SLC35F1: variants seen among roughly 807,000 people sequenced by gnomAD.
SLC35F1 encodes chromosome 6 open reading frame 169.
In SLC35F1, 14 loss-of-function variants were observed where a neutral mutation model predicts 48.7. That is an observed-to-expected ratio of 0.29 (90% CI 0.19 to 0.45). SLC35F1 has a LOEUF of 0.45. SLC35F1 is among the 20% of genes least tolerant of loss of function. The probability of loss-of-function intolerance (pLI) is 1.00; values close to 1 mark genes in which losing one functional copy is unlikely to be tolerated. For missense variants in SLC35F1, 404 were observed against 500.0 expected (o/e 0.81, Z 1.83); for synonymous variants, 190 against 202.2 (o/e 0.94, Z 0.51).
intron 1 of SLC35F1, among the ~76,000 whole-genome samples, chr6:117,960,895 G>A (rs923751387): frequency 1.3e-5 from 2 of 152,068 alleles, no homozygotes; most frequent in African/African-American, 4.8e-5. Flanking sequence ...TTCATTGACT[G>A]GGCTCTTTCC....
intron 1 of SLC35F1, among the ~76,000 whole-genome samples, chr6:117,962,128 A>G (rs1231309020): frequency 2.0e-5 from 3 of 152,174 alleles, no homozygotes; most frequent in African/African-American, 7.2e-5. Flanking sequence ...TGAGTCCTCA[A>G]TGTATAACAT....
intron 2 of SLC35F1, among the ~76,000 whole-genome samples, chr6:118,228,795 C>G (rs1287655880): frequency 6.6e-6 from 1 of 152,072 alleles, no homozygotes; most frequent in Non-Finnish European, 1.5e-5. Flanking sequence ...GGTGTTTATT[C>G]AAGTAAGGAT....
At chr6:118,135,659 C>T (rs919653995) in intron 1 of SLC35F1, among the ~76,000 whole-genome samples, 1 of 152,202 alleles carries the variant, frequency 6.6e-6, no homozygotes, top group Non-Finnish European at 1.5e-5. Flanking sequence ...CTGCTGGTTT[C>T]TAAACACTCT....
intron 1 of SLC35F1, among the ~76,000 whole-genome samples, chr6:117,908,780 T>G (rs1376110474): frequency 6.6e-6 from 1 of 152,214 alleles, no homozygotes; most frequent in East Asian, 1.9e-4. Context: ...CTTAAAAAAT[T>G]GTATAGGGAA....
At chr6:118,207,934 C>T (rs1299632421) in intron 2 of SLC35F1, among the ~76,000 whole-genome samples, 2 of 152,144 alleles carry the variant, frequency 1.3e-5, no homozygotes, top group Non-Finnish European at 2.9e-5. Flanking sequence ...CAAATCATTC[C>T]CTTTTGGGAT....
chr6:117,931,921 G>A (rs1397538154), intron 1 of SLC35F1, among the ~76,000 whole-genome samples: 1 of 152,210 alleles, frequency 6.6e-6, no homozygotes, highest in Admixed American at 6.5e-5. Flanking sequence ...CATTGCTGTG[G>A]TTTGAATGTT....
intron 2 of SLC35F1, among the ~76,000 whole-genome samples, chr6:118,180,607 C>T (rs1224586119): frequency 2.0e-5 from 3 of 151,946 alleles, no homozygotes; most frequent in Non-Finnish European, 4.4e-5. Context: ...TGTGATTCTA[C>T]TAAAGAGAGA....
chr6:118,281,200 C>A (rs376691489), intron 6 of SLC35F1, among the ~76,000 whole-genome samples: 14,511 of 119,256 alleles, frequency 0.12, 740 homozygotes, highest in Non-Finnish European at 0.14. Flanking sequence ...CTCTCTCTCT[C>A]TCTCTATATA....
intron 1 of SLC35F1, among the ~76,000 whole-genome samples, chr6:118,111,654 G>C (rs550309987): frequency 6.6e-6 from 1 of 152,194 alleles, no homozygotes; most frequent in East Asian, 1.9e-4. Flanking sequence ...TAAAGGAAGA[G>C]AAATAGAGAC....
chr6:118,035,622 A>G lies in SLC35F1; in HGVS notation c.174-118823A>G, dbSNP rs1772115450. Among the ~76,000 whole-genome samples the G allele has an allele frequency of 3.6e-5, 5 of 137,244 alleles. No homozygotes were observed. In the South Asian group the frequency reaches 1.3e-3, roughly 36 times the overall value. 90.0% of individuals were successfully genotyped at this position (137,244 alleles called of 152,430 possible). On this transcript the variant is annotated intron_variant, in intron 1 of 7. Transcript: ENST00000360388. Reference sequence around the variant, plus strand: ...AGAGTGAAACTCCGTCTCACAAAAAAAAAACAACAACAACAAAACAAAACA... The same window carrying G: ...AGAGTGAAACTCCGTCTCACAAAAAGAAAACAACAACAACAAAACAAAACA...
chr6:117,984,425 G>A (rs376380084), intron 1 of SLC35F1, among the ~76,000 whole-genome samples: 16 of 151,506 alleles, frequency 1.1e-4, no homozygotes, highest in Non-Finnish European at 1.9e-4. Flanking sequence ...CGTGAACCTC[G>A]GAGGCCGAGC....
At chr6:118,205,680 G>A (rs889056266) in intron 2 of SLC35F1, among the ~76,000 whole-genome samples, 2 of 152,140 alleles carry the variant, frequency 1.3e-5, no homozygotes, top group Admixed American at 1.3e-4. Context: ...GACTCAAACA[G>A]GTATTTGTAT....
chr6:118,296,421 C>G (rs1776184193), intron 7 of SLC35F1, among the ~76,000 whole-genome samples: 1 of 152,146 alleles, frequency 6.6e-6, no homozygotes, highest in South Asian at 2.1e-4. Context: ...GTCACATGGC[C>G]ACACCTAATA....
At chr6:118,005,059 C>A (rs888375534) in intron 1 of SLC35F1, among the ~76,000 whole-genome samples, 15 of 152,078 alleles carry the variant, frequency 9.9e-5, no homozygotes, top group Admixed American at 5.2e-4. Context: ...CTCAGTTAGA[C>A]TCGTCATTCT....
rs1775946588 is a variant in SLC35F1 at position 117,923,657 on chromosome 6, ATGTATATATACATATATG to A, written c.173+15760_173+15777del. ...TATGTACATATGTACATATGTACATATGTATATATACATATATGTACATATATACATATGTACATATAC... is the reference window on the plus strand; with the variant it reads ...TATGTACATATGTACATATGTACATATACATATATACATATGTACATATAC... On this transcript the variant is annotated intron_variant, in intron 1 of 7. Transcript: ENST00000360388. Among the ~76,000 whole-genome samples, 2 of 76,204 alleles carry A rather than the reference ATGTATATATACATATATG, an allele frequency of 2.6e-5. 1 individual carries two copies. The highest frequency in any genetic ancestry group is 3.0e-4 in the Admixed American group (2 of 6,732). The allele number at this position is 76,204 out of a possible 152,430, so 50.0% of individuals were successfully genotyped here. A position where few individuals can be genotyped will look rare whatever the true frequency, so the allele number is the denominator to read the frequency against.
Position 118,154,436 on chromosome 6 carries a change from A to G in SLC35F1, c.174-9A>G, listed in dbSNP as rs765038943. On this transcript the variant is annotated splice_polypyrimidine_tract_variant and intron_variant, in intron 1 of 7. Coordinates refer to ENST00000360388, the MANE Select transcript of SLC35F1 (RefSeq NM_001029858.4). ...ACCTTTGCTGTGTTTTTTTTCCTTT[A>G]TTTCTCAGGGAGATGTTAATCTCTG... The G allele has an allele frequency of 6.3e-7, 1 of 1,579,982 alleles. No homozygotes were observed. The highest frequency in any genetic ancestry group is 2.3e-5 in the East Asian group (1 of 44,220).
At chr6:118,178,794 G>A (rs1225501329) in intron 2 of SLC35F1, among the ~76,000 whole-genome samples, 2 of 152,126 alleles carry the variant, frequency 1.3e-5, no homozygotes, top group African/African-American at 2.4e-5. Flanking sequence ...ACCCAGGTCT[G>A]TGATTGACAT....
intron 1 of SLC35F1, among the ~76,000 whole-genome samples, chr6:118,040,919 G>T (rs1000751754): frequency 1.3e-5 from 2 of 152,004 alleles, no homozygotes; most frequent in African/African-American, 4.8e-5. Context: ...ATAAACATTT[G>T]TTGCACTAAA....
chr6:118,298,843 C>T (rs565991662), intron 7 of SLC35F1, among the ~76,000 whole-genome samples: 1 of 152,244 alleles, frequency 6.6e-6, no homozygotes, highest in Non-Finnish European at 1.5e-5. Flanking sequence ...GAGTTCATTC[C>T]CTTAAGCACT....
Sources: allele counts gnomAD v4.1 joint callset (sites outside exome capture counted in the v4.1 genomes callset), GRCh38; gene constraint gnomAD v4.1.1; transcripts MANE v1.5; gene names NCBI Gene and HGNC (gene_info 2026-07-23, HGNC 2026-07-21).